Variants in LYZ observed in about 807,000 individuals in gnomAD.
LYZ encodes the protein lysozyme C.
In LYZ, 18 loss-of-function variants were observed where a neutral mutation model predicts 15.8. That is an observed-to-expected ratio of 1.14 (90% CI 0.79 to 1.69). LYZ has a LOEUF of 1.69. LYZ is among the 40% of genes most tolerant of loss of function. The pLI is 0.00. For missense variants in LYZ, 139 were observed against 182.8 expected (o/e 0.76, Z 1.38); for synonymous variants, 60 against 61.7 (o/e 0.97, Z 0.13).
chr12:69,353,497 C>CTTTTTTTCT lies in LYZ; in HGVS notation c.*285_*286insCTTTTTTTT. 3.4e-6 allele frequency: 1 copy of CTTTTTTTCT among 298,250 alleles called. No individual in the cohort carries two copies. 18.5% of individuals were successfully genotyped at this position (298,250 alleles called of 1,614,324 possible). A position where few individuals can be genotyped will look rare whatever the true frequency, so the allele number is the denominator to read the frequency against. ...AAATACATCTCCAGTACATTCCGTT[C>CTTTTTTTCT]TTTTTTTTTTTGAGACAGTCTCGCT... On this transcript the variant is annotated 3_prime_UTR_variant, in exon 4 of 4. Transcript: ENST00000261267.
chr12:69,352,191 G>T, intron 2 of LYZ, 29 bp from the exon 3 acceptor site: 5 of 1,540,816 alleles, frequency 3.2e-6, no homozygotes, highest in Non-Finnish European at 4.5e-6. Context: ...ATCTATTAAA[G>T]TTTTTATTCC....
chr12:69,350,416 A>T (rs1874817692), intron 2 of LYZ, 144 bp downstream of exon 2: 4 of 781,048 alleles, frequency 5.1e-6, no homozygotes, highest in Non-Finnish European at 8.4e-6. Flanking sequence ...TTTCCTCATA[A>T]TTCCCTGAGT....
In LYZ at chr12:69,348,394, G is replaced by C; in HGVS notation, c.-15G>C. ...CTCACCCTGGTCAGCCTAGCACTCT[G>C]ACCTAGCAGTCAACATGAAGGCTCT... On this transcript the variant is annotated 5_prime_UTR_variant, in exon 1 of 4. Transcript: ENST00000261267. 1 of 1,614,048 alleles carries C rather than the reference G, an allele frequency of 6.2e-7. No individual in the cohort carries two copies. Among genetic ancestry groups the C allele is most frequent in the Non-Finnish European group, 8.5e-7 (1 of 1,179,996 alleles).
At chr12:69,349,649 T>C (rs1874797032) in intron 1 of LYZ, among the ~76,000 whole-genome samples, 1 of 152,246 alleles carries the variant, frequency 6.6e-6, no homozygotes, top group Admixed American at 6.5e-5. Flanking sequence ...TTCAAGATTC[T>C]AACTTGATAT....
At chr12:69,349,291 C>T (rs12368207) in intron 1 of LYZ, among the ~76,000 whole-genome samples, 18,912 of 152,244 alleles carry the variant, frequency 0.12, 1,491 homozygotes, top group Non-Finnish European at 0.18. Context: ...GTGTGAACCA[C>T]TGCACCCAGC....
At chr12:69,350,364 C>A in intron 2 of LYZ, 92 bp downstream of exon 2, 1 of 1,275,992 alleles carries the variant, frequency 7.8e-7, no homozygotes, top group Non-Finnish European at 1.1e-6. Flanking sequence ...TCATGAGGGA[C>A]CTAGAAAAAC....
rs761441045 is a variant in LYZ, at chr12:69,348,490, A to G, written c.82A>G (p.Arg28Gly). Reference protein sequence around the residue: ...GKVFERCELARTLKRLGMDGY... With the variant: ...GKVFERCELAGTLKRLGMDGY... ...GGTCTTTGAAAGGTGTGAGTTGGCC[A>G]GAACTCTGAAAAGATTGGGAATGGA... Residue 28 changes from arginine (R) to glycine (G), a missense_variant, in exon 1 of 4, where the codon AGA becomes GGA. By Grantham distance (125) the Arg-to-Gly change is moderately radical (BLOSUM62 -2). Transcript: ENST00000261267. 6.2e-7 allele frequency: 1 copy of G among 1,614,244 alleles called. No individual in the cohort carries two copies. Among genetic ancestry groups the G allele is most frequent in the Non-Finnish European group, 8.5e-7 (1 of 1,180,038 alleles).
Position 69,350,515 on chromosome 12 carries a change from C to T in LYZ, c.301+243C>T, listed in dbSNP as rs143566752. On this transcript the variant is annotated intron_variant, in intron 2 of 3. Transcript: ENST00000261267. ...TGACCTATTAATTTACTGTCAATGG[C>T]CTTACTGATGCTTTGTCCAGAACAA... The T allele has an allele frequency of 6.1e-5, 29 of 471,576 alleles. No individual in the cohort carries two copies. The East Asian group carries it at 6.3e-4, about 10-fold the overall frequency. 29.2% of individuals were successfully genotyped at this position (471,576 alleles called of 1,614,324 possible). A position where few individuals can be genotyped will look rare whatever the true frequency, so the allele number is the denominator to read the frequency against.
chr12:69,352,596 G>A (rs1874866172), intron 3 of LYZ, among the ~76,000 whole-genome samples: 1 of 152,164 alleles, frequency 6.6e-6, no homozygotes, highest in Admixed American at 6.5e-5. Flanking sequence ...AGTGTGGGCC[G>A]GGCACAGTGG....
chr12:69,352,848 G>A (rs1052163652), intron 3 of LYZ, among the ~76,000 whole-genome samples: 2 of 152,186 alleles, frequency 1.3e-5, no homozygotes, highest in Admixed American at 6.5e-5. Context: ...CAGCCTGGGC[G>A]ACAGAGTGAG....
rs367682582 is a variant in LYZ at position 69,350,122 on chromosome 12, A to T, written c.151A>T (p.Lys51Ter). 3.5e-5 allele frequency: 57 copies of T among 1,614,036 alleles called. No individual in the cohort carries two copies. The highest frequency in any genetic ancestry group is 1.2e-4 in the Admixed American group (7 of 59,996). The change falls in exon 2 of 4, where the codon AAA becomes TAA. Residue 51 changes from lysine to a stop codon, truncating the protein, a stop_gained. Transcript: ENST00000261267. LOFTEE classifies it high-confidence loss of function. ...GTTCTTTTCAGGGATGTGTTTGGCC[A>T]AATGGGAGAGTGGTTACAACACACG... ...ISLANWMCLA[K>*]WESGYNTRAT...
At chr12:69,349,793 AT>A (rs1209061707) in intron 1 of LYZ, among the ~76,000 whole-genome samples, 1 of 152,128 alleles carries the variant, frequency 6.6e-6, no homozygotes, top group African/African-American at 2.4e-5. Flanking sequence ...AGCTCTGTTG[AT>A]TTTTCTGTTC....
At chr12:69,352,346 T>C (rs754903326) in intron 3 of LYZ, 48 bp downstream of exon 3, 4 of 1,454,868 alleles carry the variant, frequency 2.7e-6, no homozygotes, top group Non-Finnish European at 2.9e-6. Flanking sequence ...CTACTGTTGA[T>C]ATATACAATG....
intron 1 of LYZ, 41 bp from the exon 2 acceptor site, chr12:69,350,067 C>T (rs747686102): frequency 1.3e-6 from 2 of 1,577,206 alleles, no homozygotes; most frequent in South Asian, 2.2e-5. Flanking sequence ...GTATAAGTCA[C>T]TTAGTGTTGC....
intron 2 of LYZ, 100 bp downstream of exon 2, chr12:69,350,372 A>T: frequency 8.5e-7 from 1 of 1,181,596 alleles, no homozygotes; most frequent in Non-Finnish European, 1.3e-6. Context: ...GACCTAGAAA[A>T]ACTACATCTC....
Position 69,348,389 on chromosome 12 carries a change from A to C in LYZ, c.-20A>C, listed in dbSNP as rs1174752179. On this transcript the variant is annotated 5_prime_UTR_variant, in exon 1 of 4. Coordinates refer to ENST00000261267, the MANE Select transcript of LYZ (RefSeq NM_000239.3). ...GCCAGCTCACCCTGGTCAGCCTAGC[A>C]CTCTGACCTAGCAGTCAACATGAAG... The C allele has an allele frequency of 1.9e-6, 3 of 1,613,926 alleles. No homozygotes were observed. The highest frequency in any genetic ancestry group is 1.7e-5 in the Admixed American group (1 of 60,006).
At chr12:69,352,929 A>C (rs1056697700) in intron 3 of LYZ, among the ~76,000 whole-genome samples, 1 of 152,194 alleles carries the variant, frequency 6.6e-6, no homozygotes, top group Non-Finnish European at 1.5e-5. Flanking sequence ...TACAACGCAC[A>C]TTACTCAATC....
At chr12:69,351,180 A>C (rs1488808443) in intron 2 of LYZ, among the ~76,000 whole-genome samples, 1 of 152,206 alleles carries the variant, frequency 6.6e-6, no homozygotes, top group Non-Finnish European at 1.5e-5. Flanking sequence ...TATTGTAAAT[A>C]ACAAATTAAC....
chr12:69,352,996 G>A (rs1874876399), intron 3 of LYZ, among the ~76,000 whole-genome samples, 157 bp from the exon 4 acceptor site: 1 of 152,184 alleles, frequency 6.6e-6, no homozygotes, highest in Admixed American at 6.5e-5. Context: ...GAAGTATTTT[G>A]TATACATATC....
Sources: gnomAD v4.1 joint callset for allele counts (sites outside exome capture counted in the v4.1 genomes callset) on GRCh38, gnomAD v4.1.1 for gene constraint, MANE v1.5 for transcripts, NCBI Gene and HGNC (gene_info 2026-07-23, HGNC 2026-07-21) for gene names.